Variants in CD2AP observed in about 807,000 individuals in gnomAD.
CD2AP encodes the protein CD2 associated protein, also known as CD2-associated protein.
CD2AP carries 46 observed loss-of-function variants against 85.1 expected under a neutral mutation model. That is an observed-to-expected ratio of 0.54 (90% CI 0.43 to 0.69). The LOEUF (loss-of-function observed/expected upper bound fraction) is 0.69, where lower values mean the gene tolerates loss of function less well. Ranked by LOEUF, CD2AP falls within the 30% of genes least tolerant of loss-of-function variation. The probability of loss-of-function intolerance (pLI) is 0.00; values close to 1 mark genes in which losing one functional copy is unlikely to be tolerated. For synonymous variants in CD2AP, 255 were observed against 252.9 expected (o/e 1.01, Z -0.08); for missense variants, 769 against 729.5 (o/e 1.05, Z -0.62).
chr6:47,595,826 A>T (rs780228475), intron 11 of CD2AP, 35 bp from the exon 12 acceptor site: 1 of 1,573,660 alleles, frequency 6.4e-7, no homozygotes, highest in Non-Finnish European at 8.7e-7. Flanking sequence ...AATAATTTTG[A>T]TTGTTAATAA....
intron 11 of CD2AP, among the ~76,000 whole-genome samples, chr6:47,587,793 G>A (rs537449478): frequency 6.6e-6 from 1 of 152,070 alleles, no homozygotes; most frequent in Non-Finnish European, 1.5e-5. Context: ...TTTATCTTAT[G>A]TCCTCCTCAC....
rs753231427 is a variant in CD2AP, at chr6:47,606,247, G to A, written c.1500G>A (p.Arg500=). 1 of 1,609,458 alleles carries A rather than the reference G, an allele frequency of 6.2e-7. No homozygotes were observed. The highest frequency in any genetic ancestry group is 8.5e-7 in the Non-Finnish European group (1 of 1,176,038). The change falls in exon 14 of 18, where the codon AGG becomes AGA. Residue 500 remains arginine, a synonymous_variant. Coordinates refer to ENST00000359314, the MANE Select transcript of CD2AP (RefSeq NM_012120.3). ...TANRPKMPGR[R]LPGRFNGGHS... ...ATAGACCAAAGATGCCTGGAAGAAG[G>A]TTGCCGGGCCGTTTCAATGGTGGAC...
chr6:47,566,454 T>C (rs932602591), intron 5 of CD2AP, among the ~76,000 whole-genome samples: 5 of 152,060 alleles, frequency 3.3e-5, no homozygotes, highest in East Asian at 1.9e-4. Flanking sequence ...TCAAACACTT[T>C]TGTCAAGTGA....
At chr6:47,604,674 T>C (rs1769224031) in intron 13 of CD2AP, among the ~76,000 whole-genome samples, 1 of 152,068 alleles carries the variant, frequency 6.6e-6, no homozygotes. Flanking sequence ...TACTGATTGC[T>C]TTCTTTGTGA....
At chr6:47,574,329 T>C (rs1768244502) in intron 6 of CD2AP, 78 bp downstream of exon 6, 1 of 1,336,786 alleles carries the variant, frequency 7.5e-7, no homozygotes, top group Non-Finnish European at 1.1e-6. Context: ...AGTCAGTTTG[T>C]AACTCTGTTA....
chr6:47,518,689 G>A (rs1766511833), intron 2 of CD2AP, among the ~76,000 whole-genome samples: 1 of 152,174 alleles, frequency 6.6e-6, no homozygotes, highest in African/African-American at 2.4e-5. Context: ...GGGTATATAA[G>A]AAACTGCAAA....
chr6:47,610,973 T>A (rs867340597), intron 16 of CD2AP, among the ~76,000 whole-genome samples: 4,515 of 29,684 alleles, frequency 0.15, 143 homozygotes, highest in African/African-American at 0.22. Context: ...ATATATGTAT[T>A]TTTTTTTTTT....
intron 2 of CD2AP, among the ~76,000 whole-genome samples, chr6:47,503,955 C>T (rs1766063134): frequency 6.6e-6 from 1 of 152,138 alleles, no homozygotes; most frequent in Non-Finnish European, 1.5e-5. Context: ...GTTGCTTTTC[C>T]AACAACAAAA....
In CD2AP at chr6:47,499,178, T is replaced by A. The variant is rs189772795; in HGVS notation, c.5-4102T>A. Among the ~76,000 whole-genome samples, 3 of 152,278 alleles carry A rather than the reference T, an allele frequency of 2.0e-5. No homozygotes were observed. In the East Asian group the frequency reaches 5.8e-4, roughly 29 times the overall value. On this transcript the variant is annotated intron_variant, in intron 1 of 17. Transcript: ENST00000359314. ...TGCTTAGCCTTGGAATTGGCCATTTTCCTAAAGAGTCCTGATTCCTTTTAG... is the reference window on the plus strand; with the variant it reads ...TGCTTAGCCTTGGAATTGGCCATTTACCTAAAGAGTCCTGATTCCTTTTAG...
At chr6:47,533,804 A>G (rs745753573) in intron 3 of CD2AP, 49 bp downstream of exon 3, 2 of 1,582,300 alleles carry the variant, frequency 1.3e-6, no homozygotes, top group East Asian at 2.3e-5. Context: ...ATAGAAGGAT[A>G]TTTTATAACT....
At chr6:47,616,030 G>A (rs1041929356) in intron 17 of CD2AP, among the ~76,000 whole-genome samples, 5 of 143,692 alleles carry the variant, frequency 3.5e-5, no homozygotes, top group South Asian at 2.2e-4. Context: ...TGATTCGCCC[G>A]CCTCAGCCTC....
intron 15 of CD2AP, 25 bp downstream of exon 15, chr6:47,608,053 T>C (rs1293699762): frequency 1.3e-6 from 2 of 1,502,190 alleles, no homozygotes; most frequent in African/African-American, 1.4e-5. Context: ...GGTCTAAGGT[T>C]TGTTGACTTT....
At chr6:47,533,570 A>C (rs768923117) in intron 2 of CD2AP, 32 bp from the exon 3 acceptor site, 35 of 1,603,688 alleles carry the variant, frequency 2.2e-5, no homozygotes, top group Non-Finnish European at 2.8e-5. Context: ...ATATAACTTA[A>C]CTTGCCTCTT....
intron 2 of CD2AP, among the ~76,000 whole-genome samples, chr6:47,531,556 A>G (rs1302877994): frequency 6.6e-6 from 1 of 150,600 alleles, no homozygotes; most frequent in Non-Finnish European, 1.5e-5. Flanking sequence ...TAAATAAACA[A>G]TCCTCCTGTT....
At chr6:47,621,463 T>G (rs1769743910) in intron 17 of CD2AP, among the ~76,000 whole-genome samples, 1 of 152,256 alleles carries the variant, frequency 6.6e-6, no homozygotes. Context: ...TGTTAAGGAT[T>G]TTAACATCTG....
At position 47,544,587 on chromosome 6, in the gene CD2AP, A is replaced by G; in HGVS notation, c.320-19A>G. On this transcript the variant is annotated intron_variant, in intron 3 of 17. Coordinates refer to ENST00000359314, the MANE Select transcript of CD2AP (RefSeq NM_012120.3). ...ATGATCATTCTTAATCTAATTTCTTATTATGTTACTTTCTTTAGAGACCAA... is the reference window on the plus strand; with the variant it reads ...ATGATCATTCTTAATCTAATTTCTTGTTATGTTACTTTCTTTAGAGACCAA... 7 of 1,447,656 alleles carry G rather than the reference A, an allele frequency of 4.8e-6. No individual in the cohort carries two copies. The highest frequency in any genetic ancestry group is 6.8e-6 in the Non-Finnish European group (7 of 1,029,174). 89.7% of individuals were successfully genotyped at this position (1,447,656 alleles called of 1,614,324 possible).
intron 2 of CD2AP, among the ~76,000 whole-genome samples, chr6:47,518,496 T>G (rs1357853315): frequency 6.6e-6 from 1 of 152,240 alleles, no homozygotes. Flanking sequence ...TCTCCTTTGC[T>G]AAGAAGCATT....
chr6:47,574,251 G>A lies in CD2AP; in HGVS notation c.729G>A (p.Lys243=). The A allele has an allele frequency of 1.2e-6, 2 of 1,613,258 alleles. No homozygotes were observed. The highest frequency in any genetic ancestry group is 1.7e-6 in the Non-Finnish European group (2 of 1,179,372). ...AAACAGAAGAGAAAAAACCAGAAAA[G>A]GTGGTAATGATGGACTTGTTAGATT... ...SSETEEKKPE[K]PLILQSLGPK... is the part of the protein sequence containing the mutation. The change falls in exon 6 of 18, where the codon AAG becomes AAA. Residue 243 remains lysine (K), a splice_region_variant and synonymous_variant. Transcript: ENST00000359314.
intron 10 of CD2AP, among the ~76,000 whole-genome samples, 162 bp downstream of exon 10, chr6:47,581,062 G>C (rs930048641): frequency 1.3e-5 from 2 of 152,020 alleles, no homozygotes; most frequent in Non-Finnish European, 2.9e-5. Context: ...ATTAGTATCT[G>C]TCATTTTTCT....
Sources: gnomAD v4.1 joint callset for allele counts (sites outside exome capture counted in the v4.1 genomes callset) on GRCh38, gnomAD v4.1.1 for gene constraint, MANE v1.5 for transcripts, NCBI Gene and HGNC (gene_info 2026-07-23, HGNC 2026-07-21) for gene names.